The following NRG1 variants were observed in gnomAD, a reference collection of about 807,000 sequenced individuals.
NRG1 encodes the protein pro-neuregulin-1, membrane-bound isoform.
Under a neutral mutation model 63.8 loss-of-function variants are expected in NRG1, and 18 were observed. The ratio of observed to expected loss-of-function variants is 0.28; its 90% confidence interval spans 0.19 to 0.42. The LOEUF (loss-of-function observed/expected upper bound fraction) is 0.42. Among genes scored for constraint, NRG1 ranks in the 10% least tolerant of loss-of-function variants. The pLI, the probability that NRG1 is intolerant of heterozygous loss-of-function variation, is 1.00. For synonymous variants in NRG1, 302 were observed against 301.3 expected, an observed-to-expected ratio of 1.00 and a Z score of -0.02; for missense variants, 762 against 814.7, an observed-to-expected ratio of 0.94 and a Z score of 0.79.
intron 1 of NRG1, among the ~76,000 whole-genome samples, chr8:32,070,848 G>A (rs967004342): frequency 1.3e-5 from 2 of 152,154 alleles, no homozygotes; most frequent in Non-Finnish European, 2.9e-5. Context: ...ATCTGAAGTT[G>A]CCATCATAAC....
chr8:32,315,866 C>A (rs1280227364), intron 1 of NRG1, among the ~76,000 whole-genome samples: 1 of 148,350 alleles, frequency 6.7e-6, no homozygotes, highest in African/African-American at 2.6e-5. Context: ...TGCCATTGGG[C>A]CAAATGCTTT....
chr8:32,385,439 T>C (rs150628780), intron 1 of NRG1, among the ~76,000 whole-genome samples: 5 of 152,154 alleles, frequency 3.3e-5, no homozygotes, highest in Non-Finnish European at 7.3e-5. Context: ...TCCTGGAGAC[T>C]GGGTAATTTA....
At chr8:31,975,834 A>T (rs1355614813) in intron 1 of NRG1, among the ~76,000 whole-genome samples, 3 of 152,346 alleles carry the variant, frequency 2.0e-5, no homozygotes, top group Admixed American at 1.3e-4. Context: ...TGGAGAAAAA[A>T]GTCTCTCATG....
Position 31,949,573 on chromosome 8 carries a change from A to G in NRG1, c.37+310142A>G, listed in dbSNP as rs112420271. The stretch of plus-strand genomic sequence containing the variant: ...ATCTTCTCTTGGTTTCTTGTACCAC[A>G]TATTCCTGTGTTTCCTCTGGAATCA... On this transcript the variant is annotated intron_variant, in intron 1 of 10. Coordinates refer to the NRG1 transcript ENST00000519301. Among the ~76,000 whole-genome samples, 597 of 152,266 alleles carry G rather than the reference A, an allele frequency of 3.9e-3. 3 individuals carry two copies. Among genetic ancestry groups the G allele is most frequent in the Non-Finnish European group, 6.4e-3 (438 of 68,018 alleles).
intron 1 of NRG1, among the ~76,000 whole-genome samples, chr8:32,412,427 T>TATATATATATATATATATAC (rs1815143929): frequency 4.1e-5 from 2 of 48,392 alleles, no homozygotes; most frequent in African/African-American, 1.3e-4. Context: ...TCTCTACATA[T>TATATATATATATATATATAC]ATATATATAT....
At chr8:32,218,999 A>T (rs1845536727) in intron 1 of NRG1, among the ~76,000 whole-genome samples, 1 of 152,202 alleles carries the variant, frequency 6.6e-6, no homozygotes, top group Non-Finnish European at 1.5e-5. Context: ...GCCAGGTGTT[A>T]TTAGAACATT....
chr8:32,232,247 G>A (rs1847035850), intron 1 of NRG1, among the ~76,000 whole-genome samples: 1 of 152,100 alleles, frequency 6.6e-6, no homozygotes, highest in African/African-American at 2.4e-5. Flanking sequence ...AATCATTGAA[G>A]ATGCTCTTAT....
In NRG1 at chr8:32,653,323, T is replaced by G. The variant is rs1005451285; in HGVS notation, c.502+36438T>G. Among the ~76,000 whole-genome samples the G allele has an allele frequency of 3.3e-5, 5 of 152,216 alleles. No individual in the cohort carries two copies. The East Asian group carries it at 9.6e-4, about 29-fold the overall frequency. On this transcript the variant is annotated intron_variant, in intron 5 of 11. Transcript: ENST00000356819. ...CAATTTGAGATATTTCTTGCTTTCT[T>G]ATACATATACCCTCTTCATTCAGCA... is the stretch of plus-strand genomic sequence containing the variant.
chr8:31,639,667 G>T (rs1307213154), intron 1 of NRG1: 4 of 1,393,972 alleles, frequency 2.9e-6, no homozygotes, highest in South Asian at 3.2e-5. Context: ...GCTCGGGCGC[G>T]GCGGCGGCGC....
intron 1 of NRG1, among the ~76,000 whole-genome samples, chr8:32,299,042 AAAAAAAG>A (rs1855278451): frequency 1.3e-5 from 2 of 150,902 alleles, no homozygotes; most frequent in African/African-American, 2.4e-5. Flanking sequence ...AAAAAAAAAA[AAAAAAAG>A]AAAGAAATAA....
chr8:31,787,076 A>C (rs1017821485), intron 1 of NRG1, among the ~76,000 whole-genome samples: 1 of 152,174 alleles, frequency 6.6e-6, no homozygotes, highest in African/African-American at 2.4e-5. Context: ...ATTGGCATAC[A>C]AAATACATAG....
chr8:31,866,604 C>A (rs965331859), intron 1 of NRG1, among the ~76,000 whole-genome samples: 2 of 152,042 alleles, frequency 1.3e-5, no homozygotes, highest in Non-Finnish European at 2.9e-5. Context: ...TAATATGCTA[C>A]AAATACAAGT....
chr8:32,122,088 A>G lies in NRG1; in HGVS notation c.38-473740A>G, dbSNP rs536215322. ...AAAGATTTGGGGAAGTTGATTCTAA[A>G]TAGGTGAGCTGTGTTTTAAGAGTTC... On this transcript the variant is annotated intron_variant, in intron 1 of 10. Transcript: ENST00000519301. Among the ~76,000 whole-genome samples the G allele has an allele frequency of 1.3e-4, 20 of 152,136 alleles. No homozygotes were observed. The South Asian group carries it at 3.7e-3, about 28-fold the overall frequency.
intron 2 of NRG1, among the ~76,000 whole-genome samples, chr8:32,598,748 T>C (rs1843800164): frequency 6.6e-6 from 1 of 152,150 alleles, no homozygotes; most frequent in African/African-American, 2.4e-5. Context: ...GATCATCTTA[T>C]CAGTTTTTAG....
Position 32,060,814 on chromosome 8 carries a change from A to G in NRG1, c.37+421383A>G, listed in dbSNP as rs182121274. ...CAATTTCGTAGTCACCTTATAGCAT[A>G]TTTTAGACTCTGGTTTTCTGCCTGT... On this transcript the variant is annotated intron_variant, in intron 1 of 10. Transcript: ENST00000519301. Among the ~76,000 whole-genome samples, 359 of 152,052 alleles carry G rather than the reference A, an allele frequency of 2.4e-3. 2 individuals carry two copies. Among genetic ancestry groups the G allele is most frequent in the Non-Finnish European group, 3.8e-3 (260 of 67,920 alleles).
chr8:31,663,629 G>T (rs543683488), intron 1 of NRG1, among the ~76,000 whole-genome samples: 2 of 152,132 alleles, frequency 1.3e-5, no homozygotes, highest in Admixed American at 6.6e-5. Flanking sequence ...TCCCCCAAAT[G>T]TCATATACTT....
At chr8:31,898,220 G>T (rs1330533232) in intron 1 of NRG1, among the ~76,000 whole-genome samples, 5 of 152,102 alleles carry the variant, frequency 3.3e-5, no homozygotes, top group Non-Finnish European at 7.3e-5. Context: ...TCTCTTGAGG[G>T]ATGTGTCTCA....
chr8:32,483,797 C>G (rs933611638), intron 1 of NRG1, among the ~76,000 whole-genome samples: 1 of 152,096 alleles, frequency 6.6e-6, no homozygotes, highest in African/African-American at 2.4e-5. Context: ...CAATGTCCAC[C>G]GACGTTAGAA....
chr8:32,233,561 ATATTT>A (rs1302781284), intron 1 of NRG1, among the ~76,000 whole-genome samples: 1 of 59,352 alleles, frequency 1.7e-5, no homozygotes, highest in African/African-American at 8.2e-5. Flanking sequence ...ATATATATAT[ATATTT>A]TTTTTTTTTT....
Sources: gnomAD v4.1 joint callset for allele counts (sites outside exome capture counted in the v4.1 genomes callset) on GRCh38, gnomAD v4.1.1 for gene constraint, MANE v1.5 for transcripts, NCBI Gene and HGNC (gene_info 2026-07-23, HGNC 2026-07-21) for gene names.